Variants in JAK2 observed in about 807,000 individuals in gnomAD.
JAK2 encodes Janus kinase 2.
In JAK2, 86 loss-of-function variants were observed where a neutral mutation model predicts 139.3. The ratio of observed to expected loss-of-function variants is 0.62; its 90% CI spans 0.52 to 0.74. The LOEUF (loss-of-function observed/expected upper bound fraction) is 0.74. JAK2 is among the 30% of genes least tolerant of loss of function. The probability of loss-of-function intolerance (pLI) is 0.00; values close to 1 mark genes in which losing one functional copy is unlikely to be tolerated. For synonymous variants in JAK2, 490 were observed against 437.7 expected, an observed-to-expected ratio of 1.12 and a Z score of -1.49; for missense variants, 1,421 against 1,360.3, an observed-to-expected ratio of 1.04 and a Z score of -0.70.
intron 6 of JAK2, among the ~76,000 whole-genome samples, chr9:5,053,523 C>T (rs1363405245): frequency 6.6e-6 from 1 of 151,864 alleles, no homozygotes; most frequent in African/African-American, 2.4e-5. Flanking sequence ...GTGTCTTGTG[C>T]CATGTGGAAA....
intron 19 of JAK2, chr9:5,084,930 A>C (rs1285243696): frequency 1.8e-6 from 1 of 568,336 alleles, no homozygotes; most frequent in Admixed American, 2.0e-5. Flanking sequence ...GAAGCAAACA[A>C]AGTGTATTCC....
intron 2 of JAK2, among the ~76,000 whole-genome samples, chr9:5,017,740 T>C (rs763464840): frequency 1.3e-5 from 2 of 152,242 alleles, no homozygotes; most frequent in Non-Finnish European, 2.9e-5. Context: ...AAGTTGCATA[T>C]CCAGTTGCAG....
chr9:5,054,454 A>C lies in JAK2; in HGVS notation c.615-109A>C. 1.3e-5 allele frequency: 11 copies of C among 822,620 alleles called. No homozygotes were observed. The highest frequency in any genetic ancestry group is 1.8e-5 in the South Asian group (1 of 56,316). 51.0% of individuals were successfully genotyped at this position (822,620 alleles called of 1,614,324 possible). ...TTACGCCACTTGGCCACTGTGTTGT[A>C]AGGCCTACTTAATCATGGAAAAAGG... is the stretch of plus-strand genomic sequence containing the variant. On this transcript the variant is annotated intron_variant, in intron 6 of 24. Coordinates refer to ENST00000381652, the MANE Select transcript of JAK2 (RefSeq NM_004972.4). This position sits in a 1 kb window ranked among gnomAD's most constrained non-coding sequence, Gnocchi z 4.9.
At chr9:4,994,631 A>C (rs1042173658) in intron 2 of JAK2, among the ~76,000 whole-genome samples, 1 of 152,236 alleles carries the variant, frequency 6.6e-6, no homozygotes, top group Non-Finnish European at 1.5e-5. Context: ...AAAAGCAGTT[A>C]TAGACAATAC....
At chr9:5,038,848 TA>T (rs1309714095) in intron 4 of JAK2, among the ~76,000 whole-genome samples, 4 of 152,040 alleles carry the variant, frequency 2.6e-5, no homozygotes, top group Admixed American at 2.0e-4. Flanking sequence ...AAGGCTAGTG[TA>T]ACTTCCAAAA....
At chr9:5,085,186 C>A in intron 19 of JAK2, 1 of 657,118 alleles carries the variant, frequency 1.5e-6, no homozygotes, top group Admixed American at 1.8e-5. Flanking sequence ...ACTGAACCAT[C>A]TCATGATCAT....
intron 22 of JAK2, chr9:5,110,956 GAGCTCAGTA>G: frequency 1.7e-6 from 1 of 596,596 alleles, no homozygotes; most frequent in Non-Finnish European, 3.1e-6. Context: ...CACGGACAAG[GAGCTCAGTA>G]ACCTGGACTT....
chr9:5,107,371 C>T (rs1485944928), intron 22 of JAK2, among the ~76,000 whole-genome samples: 1 of 152,114 alleles, frequency 6.6e-6, no homozygotes, highest in African/African-American at 2.4e-5. Flanking sequence ...CAACTGCCTC[C>T]CCTTTTCCAT....
chr9:4,996,737 A>G (rs925599235), intron 2 of JAK2, among the ~76,000 whole-genome samples: 1 of 152,018 alleles, frequency 6.6e-6, no homozygotes, highest in African/African-American at 2.4e-5. Context: ...AAAGGTAAGT[A>G]TTCTGCGATA....
At chr9:5,114,381 T>A in intron 22 of JAK2, 1 of 522,892 alleles carries the variant, frequency 1.9e-6, no homozygotes, top group Non-Finnish European at 3.8e-6. Flanking sequence ...CACCATCACG[T>A]CCACCCTGCT....
intron 2 of JAK2, among the ~76,000 whole-genome samples, chr9:5,012,151 A>C (rs1250900910): frequency 1.3e-5 from 2 of 152,102 alleles, no homozygotes; most frequent in African/African-American, 4.8e-5. Flanking sequence ...TCATTCTCTG[A>C]TACTTTCACC....
intron 22 of JAK2, chr9:5,108,039 A>ATTGTTTT (rs1211514515): frequency 6.6e-6 from 1 of 152,082 alleles, no homozygotes; most frequent in African/African-American, 2.4e-5. Context: ...TCATCACCCT[A>ATTGTTTT]TTGTTTTTTA....
chr9:5,010,439 G>A (rs1041329549), intron 2 of JAK2, among the ~76,000 whole-genome samples: 1 of 151,844 alleles, frequency 6.6e-6, no homozygotes, highest in Non-Finnish European at 1.5e-5. Context: ...TCCTGCCTCA[G>A]CCTCCCGTGT....
At chr9:5,072,391 T>C (rs898668015) in intron 12 of JAK2, 101 bp from the exon 13 acceptor site, 25 of 794,730 alleles carry the variant, frequency 3.1e-5, no homozygotes, top group Non-Finnish European at 4.7e-5. Flanking sequence ...AAATACTTGC[T>C]TATGGATTTA....
chr9:5,087,539 T>C (rs1248522721), intron 19 of JAK2, among the ~76,000 whole-genome samples: 2 of 152,222 alleles, frequency 1.3e-5, no homozygotes, highest in Non-Finnish European at 2.9e-5. Flanking sequence ...CTTAAATCTT[T>C]CTTTTCGCTG....
intron 4 of JAK2, chr9:5,041,476 G>T: frequency 1.7e-6 from 1 of 599,390 alleles, no homozygotes; most frequent in African/African-American, 1.8e-5. Context: ...AGGCTGACAC[G>T]ATCATGAGCG....
Position 5,127,641 on chromosome 9 carries a change from G to A in JAK2, c.*850G>A, listed in dbSNP as rs1824083150. The A allele has an allele frequency of 4.3e-6, 1 of 231,910 alleles. No homozygotes were observed. Among genetic ancestry groups the A allele is most frequent in the Admixed American group, 5.6e-5 (1 of 17,706 alleles). The allele number at this position is 231,910 out of a possible 1,614,324, so 14.4% of individuals were successfully genotyped here. A position where few individuals can be genotyped will look rare whatever the true frequency, so the allele number is the denominator to read the frequency against. On this transcript the variant is annotated 3_prime_UTR_variant, in exon 25 of 25. Transcript: ENST00000381652. The stretch of plus-strand genomic sequence containing the variant: ...TAAAATTTTGAGATTAAGAATGCCA[G>A]GAATATTGTCATCCTTTGAGCTGCT...
chr9:5,111,570 T>C, intron 22 of JAK2: 1 of 364,746 alleles, frequency 2.7e-6, no homozygotes, highest in Non-Finnish European at 5.4e-6. Context: ...GATGGCAGCC[T>C]GCACCCCTAA....
In JAK2 at chr9:5,080,690, A is replaced by G. The variant is rs187646895; in HGVS notation, c.2434+7A>G. The stretch of plus-strand genomic sequence containing the variant: ...AACAGTTTGTTTACTCCAGGTATGT[A>G]TTTGAATGATCTTATTGATTTTCCA... On this transcript the variant is annotated splice_region_variant and intron_variant, in intron 18 of 24. Coordinates refer to ENST00000381652, the MANE Select transcript of JAK2 (RefSeq NM_004972.4). 9 of 1,542,834 alleles carry G rather than the reference A, an allele frequency of 5.8e-6. No homozygotes were observed. The highest frequency in any genetic ancestry group is 2.2e-5 in the Admixed American group (1 of 45,884).
Sources: gnomAD v4.1 joint callset for allele counts (sites outside exome capture counted in the v4.1 genomes callset) on GRCh38, gnomAD v4.1.1 for gene constraint, Gnocchi (gnomAD v3.1) non-coding constraint, MANE v1.5 for transcripts, NCBI Gene and HGNC (gene_info 2026-07-23, HGNC 2026-07-21) for gene names.